Variants in CEMIP2 observed in about 807,000 individuals in gnomAD.
CEMIP2 encodes the protein cell migration inducing hyaluronidase 2, also known as cell surface hyaluronidase CEMIP2.
Under a neutral mutation model 146.9 loss-of-function variants are expected in CEMIP2, and 79 were observed. The ratio of observed to expected loss-of-function variants is 0.54; its 90% CI spans 0.45 to 0.65. The LOEUF (loss-of-function observed/expected upper bound fraction) is 0.65. CEMIP2 is among the 30% of genes least tolerant of loss of function. CEMIP2 has a pLI of 0.00. For synonymous variants in CEMIP2, 601 were observed against 606.3 expected, an observed-to-expected ratio of 0.99 and a Z score of 0.13; for missense variants, 1,596 against 1,696.2, an observed-to-expected ratio of 0.94 and a Z score of 1.04.
In CEMIP2 at chr9:71,694,597, G is replaced by A; in HGVS notation, c.3608C>T (p.Thr1203Ile). ...GAGGTAACTTTTATGAGGATCACTA[G>A]TAAACACCACCTAGACAGAGAAGAA... Reference protein sequence around the residue: ...QGCGTRQVVFTSDPHKSYLPV... With the variant: ...QGCGTRQVVFISDPHKSYLPV... The change falls in exon 21 of 24, where the codon ACT (threonine) becomes ATT (isoleucine). Residue 1203 changes from threonine (T) to isoleucine (I), a missense_variant. By Grantham distance (89) the Thr-to-Ile change is moderately conservative. Coordinates refer to ENST00000377044, the MANE Select transcript of CEMIP2 (RefSeq NM_013390.3). The A allele has an allele frequency of 1.2e-6, 2 of 1,611,874 alleles. No homozygotes were observed. The highest frequency in any genetic ancestry group is 1.1e-5 in the South Asian group (1 of 91,020).
intron 19 of CEMIP2, among the ~76,000 whole-genome samples, chr9:71,700,042 G>A (rs1309759379): frequency 1.3e-5 from 2 of 152,176 alleles, no homozygotes; most frequent in African/African-American, 2.4e-5. Flanking sequence ...TGAGGAGAAA[G>A]GCTGAAGGAA....
At chr9:71,750,937 G>A (rs959977299) in intron 1 of CEMIP2, among the ~76,000 whole-genome samples, 12 of 150,890 alleles carry the variant, frequency 8.0e-5, no homozygotes, top group African/African-American at 2.7e-4. Context: ...TGTAGAGATG[G>A]GATCCTGCTA....
intron 1 of CEMIP2, among the ~76,000 whole-genome samples, chr9:71,755,055 T>A (rs62544877): frequency 0.069 from 10,498 of 152,088 alleles, 514 homozygotes; most frequent in South Asian, 0.19. Flanking sequence ...GTGTATTACC[T>A]CAAAAGCAGT....
intron 10 of CEMIP2, among the ~76,000 whole-genome samples, chr9:71,728,289 A>ATATATATATATATG (rs1564012567): frequency 3.2e-5 from 1 of 31,126 alleles, no homozygotes; most frequent in Non-Finnish European, 6.3e-5. Flanking sequence ...ATGTATATAT[A>ATATATATATATATG]TATATATATA....
intron 1 of CEMIP2, among the ~76,000 whole-genome samples, chr9:71,754,150 C>T (rs563788400): frequency 3.3e-5 from 5 of 152,228 alleles, no homozygotes; most frequent in Non-Finnish European, 1.5e-5. Context: ...CAACATAGCA[C>T]ACGTATACCT....
intron 12 of CEMIP2, among the ~76,000 whole-genome samples, chr9:71,718,725 C>T (rs1227741656): frequency 6.6e-6 from 1 of 151,990 alleles, no homozygotes; most frequent in East Asian, 1.9e-4. Context: ...TACAGGCATC[C>T]ATCGCCACAC....
rs1361147911 is a variant in CEMIP2, at chr9:71,739,988, T to C, written c.1204+75A>G. On this transcript the variant is annotated intron_variant, in intron 5 of 23. Transcript: ENST00000377044. Reference sequence around the variant, plus strand: ...CAGGCGGACTGTCATTTGAACATAATACTATTCTTAGAAAAAAAAAATCTG... The same window carrying C: ...CAGGCGGACTGTCATTTGAACATAACACTATTCTTAGAAAAAAAAAATCTG... The C allele has an allele frequency of 2.2e-6, 3 of 1,382,584 alleles. No homozygotes were observed. In the African/African-American group the frequency reaches 4.3e-5, roughly 20 times the overall value. 85.6% of individuals were successfully genotyped at this position (1,382,584 alleles called of 1,614,324 possible). A position where few individuals can be genotyped will look rare whatever the true frequency, so the allele number is the denominator to read the frequency against.
chr9:71,733,305 A>G (rs1379266977), intron 6 of CEMIP2, among the ~76,000 whole-genome samples: 1 of 152,204 alleles, frequency 6.6e-6, no homozygotes, highest in Non-Finnish European at 1.5e-5. Flanking sequence ...TGATCTTATT[A>G]CATAAACTCA....
At chr9:71,693,513 G>A (rs1055211967) in intron 21 of CEMIP2, among the ~76,000 whole-genome samples, 8 of 152,300 alleles carry the variant, frequency 5.3e-5, no homozygotes, top group South Asian at 2.1e-4. Flanking sequence ...ATAAAAGGCC[G>A]AAGAGATGTT....
In CEMIP2 at chr9:71,730,849, C is replaced by T; in HGVS notation, c.1629G>A (p.Gln543=). The change falls in exon 8 of 24, where the codon CAG becomes CAA. Residue 543 remains glutamine, a synonymous_variant. Coordinates refer to ENST00000377044, the MANE Select transcript of CEMIP2 (RefSeq NM_013390.3). ...YVELKHMGQQ[Q]MGRYPVHFHL... Reference sequence around the variant, plus strand: ...GAAAATGAACAGGGTATCGCCCCATCTGCTGCTGACCCATGTGTTTCAATT... The same window carrying T: ...GAAAATGAACAGGGTATCGCCCCATTTGCTGCTGACCCATGTGTTTCAATT... 1 of 1,614,186 alleles carries T rather than the reference C, an allele frequency of 6.2e-7. No individual in the cohort carries two copies. The highest frequency in any genetic ancestry group is 8.5e-7 in the Non-Finnish European group (1 of 1,180,034).
chr9:71,685,672 C>T (rs1490399193), intron 23 of CEMIP2, 71 bp downstream of exon 23: 16 of 1,278,724 alleles, frequency 1.3e-5, no homozygotes, highest in Non-Finnish European at 1.8e-5. Flanking sequence ...GGTCTGGTAG[C>T]TGAATTGCAC....
At chr9:71,764,661 C>G (rs1824734364) in intron 1 of CEMIP2, among the ~76,000 whole-genome samples, 1 of 152,142 alleles carries the variant, frequency 6.6e-6, no homozygotes, top group Non-Finnish European at 1.5e-5. Context: ...CAAAAGGGCA[C>G]AGTTCACTTG....
intron 19 of CEMIP2, 118 bp downstream of exon 19, chr9:71,700,524 G>T: frequency 9.9e-7 from 1 of 1,010,576 alleles, no homozygotes; most frequent in African/African-American, 1.6e-5. Context: ...TAGAGAAGAT[G>T]TGCAGAGAAT....
Position 71,712,112 on chromosome 9 carries a change from T to C in CEMIP2, c.2740A>G (p.Asn914Asp), listed in dbSNP as rs1822923498. Reference sequence around the variant, plus strand: ...GGACCAAACTTCACGAGGGAGATATTATTCCTGGGGGTTATCTGCCAGGAA... The same window carrying C: ...GGACCAAACTTCACGAGGGAGATATCATTCCTGGGGGTTATCTGCCAGGAA... ...KNSWQITPRNNISLVKFGPHV... is the reference protein window; with the variant it reads ...KNSWQITPRNDISLVKFGPHV... The change falls in exon 16 of 24, where the codon AAT (asparagine) becomes GAT (aspartate). Residue 914 changes from asparagine (N) to aspartate (D), a missense_variant. Asn to Asp is a conservative substitution (Grantham distance 23). Transcript: ENST00000377044. 6.2e-7 allele frequency: 1 copy of C among 1,614,034 alleles called. No individual in the cohort carries two copies. The highest frequency in any genetic ancestry group is 1.1e-5 in the South Asian group (1 of 91,072).
chr9:71,766,318 C>G (rs985857569), intron 1 of CEMIP2, among the ~76,000 whole-genome samples: 2 of 152,172 alleles, frequency 1.3e-5, no homozygotes, highest in African/African-American at 2.4e-5. Flanking sequence ...GGTGATCCAC[C>G]TGCCTCGGCC....
At chr9:71,711,410 A>T (rs3043665) in intron 16 of CEMIP2, among the ~76,000 whole-genome samples, 18,008 of 144,214 alleles carry the variant, frequency 0.12, 1,305 homozygotes, top group Admixed American at 0.17. Flanking sequence ...AAAAAAAAAA[A>T]TTTTTTTTAA....
At chr9:71,756,231 T>G (rs1479997582) in intron 1 of CEMIP2, among the ~76,000 whole-genome samples, 11 of 107,150 alleles carry the variant, frequency 1.0e-4, no homozygotes, top group South Asian at 3.7e-4. Context: ...TATATATGTA[T>G]ATAGGTGTAT....
intron 1 of CEMIP2, among the ~76,000 whole-genome samples, chr9:71,750,693 C>T (rs1824226019): frequency 6.6e-6 from 1 of 151,918 alleles, no homozygotes; most frequent in Non-Finnish European, 1.5e-5. Context: ...GTGATCCACC[C>T]ACCTCAGCCT....
intron 15 of CEMIP2, among the ~76,000 whole-genome samples, chr9:71,714,724 A>G (rs1822999347): frequency 6.6e-6 from 1 of 152,242 alleles, no homozygotes; most frequent in Non-Finnish European, 1.5e-5. Flanking sequence ...TTAATAACTA[A>G]TGCTCCAAAA....
Sources: allele counts gnomAD v4.1 joint callset (sites outside exome capture counted in the v4.1 genomes callset), GRCh38; gene constraint gnomAD v4.1.1; transcripts MANE v1.5; gene names NCBI Gene and HGNC (gene_info 2026-07-23, HGNC 2026-07-21).